Variants in SUCLA2 observed in about 807,000 individuals in gnomAD.
SUCLA2 encodes the protein succinate--CoA ligase [ADP-forming] subunit beta, mitochondrial.
SUCLA2 carries 30 observed loss-of-function variants against 54.8 expected under a neutral mutation model. The observed-to-expected ratio is 0.55, with a 90% CI of 0.41 to 0.74. SUCLA2 has a LOEUF of 0.74. Ranked by LOEUF, SUCLA2 falls within the 30% of genes least tolerant of loss-of-function variation. The pLI is 0.00. For missense variants in SUCLA2, 476 were observed against 562.9 expected (o/e 0.85, Z 1.56); for synonymous variants, 172 against 188.9 (o/e 0.91, Z 0.74).
chr13:47,948,327 A>G (rs558624727), intron 10 of SUCLA2, among the ~76,000 whole-genome samples: 7 of 152,218 alleles, frequency 4.6e-5, no homozygotes, highest in South Asian at 2.1e-4. Flanking sequence ...TTTATCGAAT[A>G]TATAGATAGA....
intron 6 of SUCLA2, among the ~76,000 whole-genome samples, chr13:47,966,303 G>A (rs1949917756): frequency 6.6e-6 from 1 of 151,898 alleles, no homozygotes; most frequent in African/African-American, 2.4e-5. Flanking sequence ...AGCACACATG[G>A]TACCATATTC....
At chr13:47,951,280 A>C (rs1949773087) in intron 8 of SUCLA2, among the ~76,000 whole-genome samples, 2 of 151,728 alleles carry the variant, frequency 1.3e-5, no homozygotes, top group Non-Finnish European at 1.5e-5. Flanking sequence ...ATCAAACACA[A>C]TCTTTTCTTC....
At chr13:47,960,399 C>G (rs1159116377) in intron 6 of SUCLA2, among the ~76,000 whole-genome samples, 1 of 152,020 alleles carries the variant, frequency 6.6e-6, no homozygotes, top group Non-Finnish European at 1.5e-5. Context: ...ACTACAAGAG[C>G]TTTAAGATTT....
At chr13:47,990,840 C>A (rs1950144227) in intron 2 of SUCLA2, among the ~76,000 whole-genome samples, 1 of 152,144 alleles carries the variant, frequency 6.6e-6, no homozygotes, top group South Asian at 2.1e-4. Context: ...ACAAAAACAA[C>A]CTAAAGTTTA....
intron 4 of SUCLA2, among the ~76,000 whole-genome samples, chr13:47,978,274 G>C (rs551201457): frequency 6.6e-6 from 1 of 152,242 alleles, no homozygotes; most frequent in South Asian, 2.1e-4. Context: ...TATACTACAA[G>C]GCTACAGTAA....
At chr13:47,983,886 T>A (rs1344600493) in intron 4 of SUCLA2, among the ~76,000 whole-genome samples, 4 of 151,896 alleles carry the variant, frequency 2.6e-5, no homozygotes, top group African/African-American at 9.7e-5. Flanking sequence ...AATATTAAAT[T>A]CTCACTAAAG....
At chr13:47,959,557 C>A (rs1372670480) in intron 6 of SUCLA2, among the ~76,000 whole-genome samples, 1 of 146,344 alleles carries the variant, frequency 6.8e-6, no homozygotes, top group Admixed American at 6.9e-5. Flanking sequence ...ATCGGAAAGC[C>A]CAGGAGAAGG....
At chr13:47,979,498 G>A (rs1316295641) in intron 4 of SUCLA2, among the ~76,000 whole-genome samples, 1 of 152,074 alleles carries the variant, frequency 6.6e-6, no homozygotes, top group Non-Finnish European at 1.5e-5. Context: ...GGGGTGGGGG[G>A]CTAGGGCAGA....
At chr13:47,989,928 G>A (rs1566092087) in intron 2 of SUCLA2, among the ~76,000 whole-genome samples, 1 of 152,114 alleles carries the variant, frequency 6.6e-6, no homozygotes, top group Non-Finnish European at 1.5e-5. Context: ...TTAAATAAAT[G>A]GACTGAATTT....
At chr13:47,989,274 G>C (rs940087398) in intron 2 of SUCLA2, among the ~76,000 whole-genome samples, 1 of 150,056 alleles carries the variant, frequency 6.7e-6, no homozygotes, top group East Asian at 2.0e-4. Context: ...GCAGTGGCGC[G>C]ATCTCGGCTC....
chr13:47,999,654 C>T (rs980631997), intron 1 of SUCLA2, among the ~76,000 whole-genome samples: 1 of 151,572 alleles, frequency 6.6e-6, no homozygotes, highest in Admixed American at 6.6e-5. Context: ...TTGCAGTGAG[C>T]CAAGATCGCG....
chr13:47,983,463 A>T (rs2137735679), intron 4 of SUCLA2, among the ~76,000 whole-genome samples: 1 of 150,890 alleles, frequency 6.6e-6, no homozygotes, highest in South Asian at 2.1e-4. Flanking sequence ...AAAATATTCT[A>T]ACATTTTAGT....
intron 6 of SUCLA2, among the ~76,000 whole-genome samples, chr13:47,966,890 T>C (rs1292268720): frequency 6.6e-6 from 1 of 152,036 alleles, no homozygotes; most frequent in Non-Finnish European, 1.5e-5. Flanking sequence ...GGTGGTGGCA[T>C]GGGCCTGTAG....
intron 8 of SUCLA2, among the ~76,000 whole-genome samples, chr13:47,952,195 T>G (rs950137673): frequency 6.6e-6 from 1 of 152,142 alleles, no homozygotes; most frequent in Non-Finnish European, 1.5e-5. Flanking sequence ...AATGCCTTAC[T>G]TCTCAAAACT....
At chr13:47,975,597 A>G (rs372255589) in intron 4 of SUCLA2, among the ~76,000 whole-genome samples, 1 of 152,030 alleles carries the variant, frequency 6.6e-6, no homozygotes, top group African/African-American at 2.4e-5. Flanking sequence ...CAAAAATTAA[A>G]AAGAAGAATC....
intron 2 of SUCLA2, among the ~76,000 whole-genome samples, chr13:47,994,436 C>T (rs1473732896): frequency 3.3e-5 from 5 of 151,808 alleles, no homozygotes; most frequent in African/African-American, 4.8e-5. Flanking sequence ...GGCATGGTGG[C>T]GGGCACCTGT....
chr13:47,961,745 T>C (rs759303114), intron 6 of SUCLA2, among the ~76,000 whole-genome samples: 2 of 152,236 alleles, frequency 1.3e-5, no homozygotes, highest in African/African-American at 4.8e-5. Context: ...GTAGTAATTA[T>C]GATTATGTTA....
At position 48,001,212 on chromosome 13, in the gene SUCLA2, G is replaced by A. The variant is rs757550710; in HGVS notation, c.58C>T (p.Arg20Trp). ...GCAGCCCGCTGGGCCGTCCGAGGCC[G>A]GTGGTTCCGAAGGGTGGCCACGGCC... Reference protein sequence around the residue: ...LVAVATLRNHRPRTAQRAAAQ... With the variant: ...LVAVATLRNHWPRTAQRAAAQ... The change falls in exon 1 of 11, where the codon CGG becomes TGG. Residue 20 changes from arginine to tryptophan, a missense_variant. Around this residue, in one of 2 missense-constraint regions of SUCLA2, gnomAD observed 134 missense variants for 118.7 expected, o/e 1.13. Transcript: ENST00000646932. The A allele has an allele frequency of 1.4e-5, 22 of 1,609,260 alleles. No homozygotes were observed. Among genetic ancestry groups the A allele is most frequent in the Non-Finnish European group, 1.7e-5 (20 of 1,178,614 alleles).
chr13:47,979,351 A>C (rs1251247682), intron 4 of SUCLA2, among the ~76,000 whole-genome samples: 3 of 152,214 alleles, frequency 2.0e-5, no homozygotes, highest in African/African-American at 7.2e-5. Context: ...ACATGGATGA[A>C]GCTGGAAACC....
Sources: gnomAD v4.1 joint callset for allele counts (sites outside exome capture counted in the v4.1 genomes callset) on GRCh38, gnomAD v4.1.1 for gene constraint, gnomAD v4.1.1 regional missense constraint, MANE v1.5 for transcripts, NCBI Gene and HGNC (gene_info 2026-07-23, HGNC 2026-07-21) for gene names.